BTG4: variants seen among roughly 807,000 people sequenced by gnomAD.
The protein encoded by BTG4 is protein BTG4.
In BTG4, 10 loss-of-function variants were observed where a neutral mutation model predicts 19.3. The observed-to-expected ratio is 0.52, with a 90% CI of 0.32 to 0.88. The LOEUF (loss-of-function observed/expected upper bound fraction) is 0.88, where lower values mean the gene tolerates loss of function less well. Among genes scored for constraint, BTG4 ranks in the 40% least tolerant of loss-of-function variants. The pLI is 0.04. For synonymous variants in BTG4, 91 were observed against 95.7 expected (o/e 0.95, Z 0.29); for missense variants, 238 against 281.9 (o/e 0.84, Z 1.11).
At chr11:111,478,957 A>G (rs146149308) in intron 5 of BTG4, among the ~76,000 whole-genome samples, 8 of 77,990 alleles carry the variant, frequency 1.0e-4, no homozygotes, top group African/African-American at 2.7e-4. Flanking sequence ...AAATACTCAG[A>G]GAATAGCTGA....
chr11:111,478,201 C>T (rs145251768), intron 5 of BTG4, among the ~76,000 whole-genome samples: 3 of 152,280 alleles, frequency 2.0e-5, no homozygotes, highest in African/African-American at 7.2e-5. Flanking sequence ...GATAATGAGG[C>T]CACCCTGGCC....
chr11:111,505,172 A>T (rs1866362735), intron 1 of BTG4, among the ~76,000 whole-genome samples: 1 of 152,046 alleles, frequency 6.6e-6, no homozygotes, highest in African/African-American at 2.4e-5. Flanking sequence ...ACTCCCAAGC[A>T]AAAAGAACAG....
chr11:111,429,772 A>G, the BTG4 span, among the ~76,000 whole-genome samples: 1 of 152,192 alleles, frequency 6.6e-6, no homozygotes, highest in African/African-American at 2.4e-5. Context: ...TCCTAGACAA[A>G]ATGGAGAACG....
the BTG4 span, chr11:111,451,326 C>T: frequency 2.3e-6 from 1 of 433,058 alleles, no homozygotes; most frequent in Non-Finnish European, 4.8e-6. Flanking sequence ...GCTCTATGAG[C>T]AAAGCCTCAG....
At chr11:111,480,311 C>T (rs1328875659) in intron 5 of BTG4, among the ~76,000 whole-genome samples, 3 of 151,966 alleles carry the variant, frequency 2.0e-5, no homozygotes, top group Admixed American at 2.0e-4. Flanking sequence ...TGCTTATATA[C>T]ACAACAGAAC....
the BTG4 span, among the ~76,000 whole-genome samples, chr11:111,439,300 G>A: frequency 3.3e-5 from 5 of 152,194 alleles, no homozygotes; most frequent in Admixed American, 1.3e-4. Context: ...TTTGCCCAGC[G>A]CATTGTGGCA....
chr11:111,434,670 T>A, the BTG4 span, among the ~76,000 whole-genome samples: 1 of 151,010 alleles, frequency 6.6e-6, no homozygotes, highest in Non-Finnish European at 1.5e-5. Context: ...AATATACCCA[T>A]CTATGGTAAA....
At chr11:111,513,009 C>T, upstream of BTG4, 1 of 464,682 alleles carries the variant, frequency 2.2e-6, no homozygotes, top group Middle Eastern at 3.8e-4. Flanking sequence ...CCACTGCCAT[C>T]AAAACAAGGC....
chr11:111,439,783 C>G, the BTG4 span, among the ~76,000 whole-genome samples: 1 of 152,140 alleles, frequency 6.6e-6, no homozygotes, highest in Non-Finnish European at 1.5e-5. Context: ...AAGACCCTTT[C>G]AAAGACATGC....
At chr11:111,502,378 A>G (rs10891277) in intron 1 of BTG4, among the ~76,000 whole-genome samples, 50,169 of 152,120 alleles carry the variant, frequency 0.33, 8,414 homozygotes, top group Middle Eastern at 0.38. Flanking sequence ...ATTAAGATAG[A>G]TACCGCCTTA....
At chr11:111,418,818 T>C in the BTG4 span, among the ~76,000 whole-genome samples, 14 of 152,316 alleles carry the variant, frequency 9.2e-5, no homozygotes, top group African/African-American at 2.6e-4. Flanking sequence ...GCAAACCCTC[T>C]CTGCCACGTC....
chr11:111,507,863 A>C (rs1866565622), intron 1 of BTG4: 1 of 152,222 alleles, frequency 6.6e-6, no homozygotes, highest in Non-Finnish European at 1.5e-5. Flanking sequence ...AGGGACTGGT[A>C]GGTCAATGAA....
chr11:111,504,710 C>T (rs1651497855), intron 1 of BTG4, among the ~76,000 whole-genome samples: 1 of 151,984 alleles, frequency 6.6e-6, no homozygotes, highest in African/African-American at 2.4e-5. Flanking sequence ...GATTGTATAC[C>T]TAGAAAACCC....
chr11:111,427,463 CA>C, the BTG4 span, among the ~76,000 whole-genome samples: 1 of 152,144 alleles, frequency 6.6e-6, no homozygotes, highest in South Asian at 2.1e-4. Context: ...AATATGTGGC[CA>C]ACTCCATATA....
chr11:111,422,004 T>C, the BTG4 span, among the ~76,000 whole-genome samples: 1 of 152,066 alleles, frequency 6.6e-6, no homozygotes, highest in African/African-American at 2.4e-5. Context: ...GGCCCAGAAG[T>C]TGCTGGAGAG....
chr11:111,488,964 G>A (rs886409120), intron 5 of BTG4, among the ~76,000 whole-genome samples: 8 of 151,950 alleles, frequency 5.3e-5, no homozygotes, highest in East Asian at 1.9e-4. Flanking sequence ...TGACCAACAC[G>A]GAAAAACCCC....
chr11:111,422,172 T>G, the BTG4 span, among the ~76,000 whole-genome samples: 1 of 152,190 alleles, frequency 6.6e-6, no homozygotes, highest in Non-Finnish European at 1.5e-5. Context: ...GGGGAGGGTC[T>G]TCTGGTCTCA....
chr11:111,399,883 G>A, the BTG4 span, among the ~76,000 whole-genome samples: 2 of 152,156 alleles, frequency 1.3e-5, no homozygotes, highest in Non-Finnish European at 2.9e-5. Context: ...TCAGGGTGGC[G>A]GGTGTGAGCT....
chr11:111,409,707 GTCA>G, the BTG4 span, among the ~76,000 whole-genome samples: 2 of 152,174 alleles, frequency 1.3e-5, no homozygotes, highest in Admixed American at 6.5e-5. Flanking sequence ...AGGGATATAA[GTCA>G]TGCGCACAGG....
Sources: gnomAD v4.1 joint callset for allele counts (sites outside exome capture counted in the v4.1 genomes callset) on GRCh38, gnomAD v4.1.1 for gene constraint, MANE v1.5 for transcripts, NCBI Gene and HGNC (gene_info 2026-07-23, HGNC 2026-07-21) for gene names.